Variants in CDH8 observed in about 807,000 individuals in gnomAD.
CDH8 encodes the protein cadherin-8.
In CDH8, 17 loss-of-function variants were observed where a neutral mutation model predicts 68.1. That is an observed-to-expected ratio of 0.25 (90% CI 0.17 to 0.37). The LOEUF (loss-of-function observed/expected upper bound fraction) is 0.37. Among genes scored for constraint, CDH8 ranks in the 10% least tolerant of loss-of-function variants. The pLI is 1.00. For missense variants in CDH8, 763 were observed against 999.3 expected, an observed-to-expected ratio of 0.76 and a Z score of 3.19; for synonymous variants, 372 against 365.1, an observed-to-expected ratio of 1.02 and a Z score of -0.21.
intron 8 of CDH8, among the ~76,000 whole-genome samples, chr16:61,768,388 C>T (rs1567461272): frequency 8.3e-5 from 7 of 84,648 alleles, no homozygotes; most frequent in Admixed American, 1.2e-4. Flanking sequence ...CTCTCTCTCT[C>T]TCTCTCCCTT....
At chr16:62,035,518 G>A (rs925523057) in intron 1 of CDH8, among the ~76,000 whole-genome samples, 2 of 152,158 alleles carry the variant, frequency 1.3e-5, no homozygotes, top group South Asian at 4.1e-4. Context: ...AAAGCCTCGC[G>A]CTGGGGCTTT....
chr16:61,717,354 C>T (rs1374597139), intron 9 of CDH8, among the ~76,000 whole-genome samples: 1 of 151,484 alleles, frequency 6.6e-6, no homozygotes. Flanking sequence ...AGACTCTGTT[C>T]TATTTCTTGA....
chr16:61,807,420 T>A (rs554636386), intron 7 of CDH8, among the ~76,000 whole-genome samples: 15 of 151,870 alleles, frequency 9.9e-5, no homozygotes, highest in African/African-American at 3.6e-4. Flanking sequence ...CATGTATACA[T>A]ACATATGTAA....
chr16:61,731,633 G>A (rs1285167046), intron 8 of CDH8, among the ~76,000 whole-genome samples: 1 of 151,798 alleles, frequency 6.6e-6, no homozygotes, highest in African/African-American at 2.4e-5. Context: ...AAACAAGTGA[G>A]TAATAATTCC....
chr16:61,748,080 G>C (rs531343973), intron 8 of CDH8, among the ~76,000 whole-genome samples: 1 of 152,110 alleles, frequency 6.6e-6, no homozygotes, highest in Admixed American at 6.6e-5. Flanking sequence ...CTAGGTGTTA[G>C]AGAGATTAAT....
chr16:61,680,497 A>G (rs1289303652), intron 10 of CDH8, among the ~76,000 whole-genome samples: 1 of 151,892 alleles, frequency 6.6e-6, no homozygotes, highest in Non-Finnish European at 1.5e-5. Flanking sequence ...TTCTGTAGGT[A>G]AATTCCTTCT....
intron 2 of CDH8, among the ~76,000 whole-genome samples, chr16:61,975,957 C>A (rs1401035992): frequency 6.6e-6 from 1 of 152,130 alleles, no homozygotes; most frequent in Non-Finnish European, 1.5e-5. Flanking sequence ...ACTTTAAAGA[C>A]AATGAGAAAT....
chr16:61,752,604 T>C (rs1960197000), intron 8 of CDH8, among the ~76,000 whole-genome samples: 1 of 152,160 alleles, frequency 6.6e-6, no homozygotes. Context: ...GTGTGACACT[T>C]TCCCCATATC....
chr16:62,000,164 G>A (rs2064636211), intron 2 of CDH8, among the ~76,000 whole-genome samples: 1 of 152,074 alleles, frequency 6.6e-6, no homozygotes, highest in South Asian at 2.1e-4. Context: ...GTATTCCATG[G>A]TATATATGTG....
rs187695674 is a variant in CDH8 at position 61,810,267 on chromosome 16, A to G, written c.1277+7212T>C. On this transcript the variant is annotated intron_variant, in intron 7 of 11. Coordinates refer to ENST00000577390, the MANE Select transcript of CDH8 (RefSeq NM_001796.5). ...ACCATTTTAACATTTTCTCGCATGC[A>G]CTTTGAGTATCAAAAATTCCATCTA... Among the ~76,000 whole-genome samples, 11 of 152,314 alleles carry G rather than the reference A, an allele frequency of 7.2e-5. No homozygotes were observed. In the East Asian group the frequency reaches 2.1e-3, roughly 29 times the overall value.
intron 4 of CDH8, among the ~76,000 whole-genome samples, chr16:61,845,522 A>AC (rs59033828): frequency 6.6e-6 from 1 of 151,394 alleles, no homozygotes; most frequent in Non-Finnish European, 1.5e-5. Flanking sequence ...AAAAAAAAAA[A>AC]CTATCTAATT....
At chr16:61,742,756 A>T (rs1959911070) in intron 8 of CDH8, among the ~76,000 whole-genome samples, 1 of 152,126 alleles carries the variant, frequency 6.6e-6, no homozygotes. Context: ...GCAGGCTGTT[A>T]ATTCTCCTAT....
intron 2 of CDH8, among the ~76,000 whole-genome samples, chr16:61,978,482 TCTC>T (rs1381006191): frequency 6.6e-6 from 1 of 152,204 alleles, no homozygotes; most frequent in Non-Finnish European, 1.5e-5. Context: ...TTCAAACTAG[TCTC>T]CTGAAATTGA....
intron 7 of CDH8, among the ~76,000 whole-genome samples, chr16:61,790,546 C>T (rs1188230239): frequency 6.6e-6 from 1 of 151,962 alleles, no homozygotes; most frequent in Non-Finnish European, 1.5e-5. Context: ...AGGAAGTGCA[C>T]ATGAAATCTC....
chr16:61,675,632 A>T (rs1241260737), intron 10 of CDH8, among the ~76,000 whole-genome samples: 1 of 150,778 alleles, frequency 6.6e-6, no homozygotes, highest in Non-Finnish European at 1.5e-5. Flanking sequence ...AAAAATAAAA[A>T]AAAATAAAAA....
chr16:61,947,653 T>G (rs1316271538), intron 2 of CDH8, among the ~76,000 whole-genome samples: 1 of 152,240 alleles, frequency 6.6e-6, no homozygotes, highest in Non-Finnish European at 1.5e-5. Context: ...ACTTAATATA[T>G]GAATGTGATT....
intron 9 of CDH8, 65 bp from the exon 10 acceptor site, chr16:61,714,023 CT>C: frequency 1.1e-6 from 1 of 944,220 alleles, no homozygotes; most frequent in Non-Finnish European, 1.7e-6. Context: ...TCGGTAAAAG[CT>C]TAGTGACATT....
chr16:61,835,637 C>A (rs1285592343), intron 4 of CDH8, among the ~76,000 whole-genome samples: 1 of 151,858 alleles, frequency 6.6e-6, no homozygotes, highest in African/African-American at 2.4e-5. Context: ...GGTGAAATTT[C>A]TTTTTTCCTA....
At chr16:62,026,442 C>T (rs1902200425) in intron 1 of CDH8, among the ~76,000 whole-genome samples, 1 of 152,154 alleles carries the variant, frequency 6.6e-6, no homozygotes, top group Non-Finnish European at 1.5e-5. Context: ...AGAAGACCAG[C>T]TCGCAGCTCA....
Sources: allele counts gnomAD v4.1 joint callset (sites outside exome capture counted in the v4.1 genomes callset), GRCh38; gene constraint gnomAD v4.1.1; transcripts MANE v1.5; gene names NCBI Gene and HGNC (gene_info 2026-07-23, HGNC 2026-07-21).